THSD7A: variants seen among roughly 807,000 people sequenced by gnomAD.
The protein encoded by THSD7A is thrombospondin type-1 domain-containing protein 7A.
THSD7A carries 96 observed loss-of-function variants against 231.3 expected under a neutral mutation model. That is an observed-to-expected ratio of 0.41 (90% CI 0.35 to 0.49). The LOEUF is 0.49. Ranked by LOEUF, THSD7A falls within the 20% of genes least tolerant of loss-of-function variation. The probability of loss-of-function intolerance (pLI) is 0.05; values close to 1 mark genes in which losing one functional copy is unlikely to be tolerated. For synonymous variants in THSD7A, 940 were observed against 743.3 expected (o/e 1.26, Z -4.30); for missense variants, 2,290 against 2,070.2 (o/e 1.11, Z -2.06).
At chr7:11,541,754 G>T in intron 5 of THSD7A, 123 bp from the exon 6 acceptor site, 1 of 857,488 alleles carries the variant, frequency 1.2e-6, no homozygotes, top group Non-Finnish European at 1.9e-6. Flanking sequence ...TCTGTTTTGA[G>T]TCACTGGTGT....
At chr7:11,587,336 C>T (rs1230785586) in intron 4 of THSD7A, among the ~76,000 whole-genome samples, 1 of 152,150 alleles carries the variant, frequency 6.6e-6, no homozygotes, top group African/African-American at 2.4e-5. Flanking sequence ...TTACTACTGA[C>T]ACTGTCAGTA....
intron 1 of THSD7A, among the ~76,000 whole-genome samples, chr7:11,792,468 A>G (rs1055108341): frequency 1.3e-5 from 2 of 151,836 alleles, no homozygotes; most frequent in Admixed American, 6.6e-5. Context: ...CTCCCCCAAT[A>G]TATCTTGCAC....
chr7:11,546,199 C>CTTGTGT (rs1554335276), intron 4 of THSD7A, among the ~76,000 whole-genome samples: 1 of 101,820 alleles, frequency 9.8e-6, no homozygotes, highest in Non-Finnish European at 2.0e-5. Flanking sequence ...GGTGTGGGCG[C>CTTGTGT]GCGCTCACAC....
At chr7:11,424,629 T>C in intron 16 of THSD7A, 67 bp downstream of exon 16, 1 of 1,594,416 alleles carries the variant, frequency 6.3e-7, no homozygotes, top group Admixed American at 1.7e-5. Flanking sequence ...AACAGTCATG[T>C]TGGCACATGT....
At chr7:11,670,881 C>T (rs1366370200) in intron 1 of THSD7A, among the ~76,000 whole-genome samples, 1 of 152,182 alleles carries the variant, frequency 6.6e-6, no homozygotes, top group Non-Finnish European at 1.5e-5. Flanking sequence ...TAAGCTAACA[C>T]CTTTGGCTAA....
chr7:11,738,863 C>A (rs1782008413), intron 1 of THSD7A, among the ~76,000 whole-genome samples: 1 of 151,990 alleles, frequency 6.6e-6, no homozygotes, highest in African/African-American at 2.4e-5. Flanking sequence ...TTGATTGTTA[C>A]ACAGTGAGAC....
intron 1 of THSD7A, among the ~76,000 whole-genome samples, chr7:11,816,628 C>G (rs902236207): frequency 1.3e-5 from 2 of 152,104 alleles, no homozygotes; most frequent in Non-Finnish European, 2.9e-5. Context: ...GAAAGTAATG[C>G]AAGGACTTTT....
At chr7:11,682,002 A>G (rs1783889012) in intron 1 of THSD7A, among the ~76,000 whole-genome samples, 1 of 152,110 alleles carries the variant, frequency 6.6e-6, no homozygotes, top group African/African-American at 2.4e-5. Context: ...ATAACCCACC[A>G]AAGTAAGCAT....
At chr7:11,639,538 G>A (rs952843408) in intron 1 of THSD7A, among the ~76,000 whole-genome samples, 4 of 151,988 alleles carry the variant, frequency 2.6e-5, no homozygotes, top group Non-Finnish European at 4.4e-5. Flanking sequence ...GCGTGGTGGC[G>A]GGCGCTGTAG....
rs1318897446 is a variant in THSD7A at position 11,593,286 on chromosome 7, C to T, written c.1239G>A (p.Leu413=). The change falls in exon 3 of 28, where the codon TTG becomes TTA. Residue 413 remains leucine (L), a synonymous_variant. Coordinates refer to ENST00000423059, the MANE Select transcript of THSD7A (RefSeq NM_015204.3). ...AGGGGACAACTCCATCTCCTTGAGACAAACAGGGTTCTTTTTCTTCAAATT... is the reference window on the plus strand; with the variant it reads ...AGGGGACAACTCCATCTCCTTGAGATAAACAGGGTTCTTTTTCTTCAAATT... ...CPEFEEKEPC[L]SQGDGVVPCA... 2 of 1,613,878 alleles carry T rather than the reference C, an allele frequency of 1.2e-6. No individual in the cohort carries two copies. Among genetic ancestry groups the T allele is most frequent in the African/African-American group, 2.7e-5 (2 of 74,930 alleles).
chr7:11,557,230 T>C (rs1458406567), intron 4 of THSD7A, among the ~76,000 whole-genome samples: 3 of 152,094 alleles, frequency 2.0e-5, no homozygotes. Context: ...TTTGATTCTT[T>C]CCTCTCTCCC....
intron 1 of THSD7A, among the ~76,000 whole-genome samples, chr7:11,678,416 T>G (rs1783728920): frequency 6.6e-6 from 1 of 152,088 alleles, no homozygotes; most frequent in Admixed American, 6.6e-5. Context: ...AGCTGGTTTT[T>G]TTGAAAAGAT....
Position 11,470,152 on chromosome 7 carries a change from A to G in THSD7A, c.2253-158T>C, listed in dbSNP as rs544585168. ...TTTCTTTCTGCTACAGGCAAGAACTATACAACTAAATTGATTGTTTCAAAC... is the reference window on the plus strand; with the variant it reads ...TTTCTTTCTGCTACAGGCAAGAACTGTACAACTAAATTGATTGTTTCAAAC... On this transcript the variant is annotated intron_variant, in intron 8 of 27. Transcript: ENST00000423059. Among the ~76,000 whole-genome samples, 3 of 152,278 alleles carry G rather than the reference A, an allele frequency of 2.0e-5. No individual in the cohort carries two copies. The East Asian group carries it at 5.8e-4, about 29-fold the overall frequency.
chr7:11,570,819 C>T (rs1458249897), intron 4 of THSD7A, among the ~76,000 whole-genome samples: 1 of 152,160 alleles, frequency 6.6e-6, no homozygotes, highest in Non-Finnish European at 1.5e-5. Flanking sequence ...GGATTTAAGC[C>T]TCTATTTTCC....
intron 23 of THSD7A, among the ~76,000 whole-genome samples, chr7:11,386,183 G>T (rs901392058): frequency 1.3e-5 from 2 of 152,158 alleles, no homozygotes; most frequent in Non-Finnish European, 2.9e-5. Context: ...ACATATGTGT[G>T]CATGTGTCTT....
intron 2 of THSD7A, among the ~76,000 whole-genome samples, chr7:11,599,770 G>C (rs1014113191): frequency 2.0e-5 from 3 of 152,180 alleles, no homozygotes; most frequent in African/African-American, 4.8e-5. Flanking sequence ...TGATTGGATG[G>C]AAGGATGCAA....
chr7:11,426,417 T>C (rs1311253885), intron 15 of THSD7A, among the ~76,000 whole-genome samples: 2 of 152,192 alleles, frequency 1.3e-5, no homozygotes, highest in Non-Finnish European at 2.9e-5. Flanking sequence ...GTGAAACTTG[T>C]TCTCCCCAAC....
At chr7:11,682,044 A>G (rs1378293929) in intron 1 of THSD7A, among the ~76,000 whole-genome samples, 1 of 152,098 alleles carries the variant, frequency 6.6e-6, no homozygotes, top group Non-Finnish European at 1.5e-5. Context: ...TCTTTTCTCA[A>G]TAAGCAATCA....
chr7:11,419,919 C>T (rs182163923), intron 16 of THSD7A, among the ~76,000 whole-genome samples: 2 of 152,252 alleles, frequency 1.3e-5, no homozygotes, highest in Admixed American at 6.5e-5. Context: ...GAACTTTGAA[C>T]TTGAGAGAGA....
Sources: allele counts gnomAD v4.1 joint callset (sites outside exome capture counted in the v4.1 genomes callset), GRCh38; gene constraint gnomAD v4.1.1; transcripts MANE v1.5; gene names NCBI Gene and HGNC (gene_info 2026-07-23, HGNC 2026-07-21).